Variants in GSN observed in about 807,000 individuals in gnomAD.
GSN encodes the protein actin-depolymerizing factor.
A neutral mutation model predicts 85.7 loss-of-function variants in GSN; 56 were observed. That is an observed-to-expected ratio of 0.65 (90% CI 0.53 to 0.82). The LOEUF (loss-of-function observed/expected upper bound fraction) is 0.82, where lower values mean the gene tolerates loss of function less well. Ranked by LOEUF, GSN falls within the 40% of genes least tolerant of loss-of-function variation. The pLI, the probability that GSN is intolerant of heterozygous loss-of-function variation, is 0.00. For missense variants in GSN, 857 were observed against 979.8 expected (o/e 0.87, Z 1.67); for synonymous variants, 373 against 399.1 (o/e 0.93, Z 0.78).
At chr9:121,237,163 A>T (rs969419229) in intron 5 of GSN, among the ~76,000 whole-genome samples, 8 of 152,224 alleles carry the variant, frequency 5.3e-5, no homozygotes, top group African/African-American at 1.9e-4. Context: ...TCAGAGAGGG[A>T]GAGCTGTAAG....
intron 2 of GSN, among the ~76,000 whole-genome samples, chr9:121,210,030 T>C (rs1038502587): frequency 6.6e-6 from 1 of 152,182 alleles, no homozygotes; most frequent in African/African-American, 2.4e-5. Flanking sequence ...AAGATTCATC[T>C]AGAGGTGATA....
At chr9:121,319,847 G>A (rs1470120302) in intron 10 of GSN, among the ~76,000 whole-genome samples, 1 of 152,186 alleles carries the variant, frequency 6.6e-6, no homozygotes, top group East Asian at 1.9e-4. Flanking sequence ...TGGAGAAGGG[G>A]AAGAGGGGTG....
chr9:121,256,812 C>T (rs779221772), intron 6 of GSN, among the ~76,000 whole-genome samples: 5 of 152,000 alleles, frequency 3.3e-5, no homozygotes, highest in African/African-American at 4.8e-5. Flanking sequence ...TCGCTTGAAC[C>T]CAGAAGGTAG....
chr9:121,250,496 C>T (rs1402064111), intron 6 of GSN, among the ~76,000 whole-genome samples: 1 of 151,760 alleles, frequency 6.6e-6, no homozygotes, highest in Non-Finnish European at 1.5e-5. Flanking sequence ...AGCCACGGCG[C>T]CCAGCCGATC....
At chr9:121,219,119 T>C (rs1158427778) in intron 4 of GSN, among the ~76,000 whole-genome samples, 6 of 152,178 alleles carry the variant, frequency 3.9e-5, no homozygotes, top group Non-Finnish European at 5.9e-5. Flanking sequence ...CAGATCCACC[T>C]GGTGGGGGCC....
At chr9:121,206,940 A>G (rs1384588335), upstream of GSN, among the ~76,000 whole-genome samples, 3 of 152,158 alleles carry the variant, frequency 2.0e-5, no homozygotes, top group Non-Finnish European at 4.4e-5. Flanking sequence ...TCAGTGGGGC[A>G]TAATGACCAC....
chr9:121,303,138 A>G lies in GSN; in HGVS notation c.351+73A>G, dbSNP rs147841943. 1.6e-3 allele frequency: 2,363 copies of G among 1,479,388 alleles called. 41 individuals are homozygous for G. In the African/African-American group the frequency reaches 0.028, roughly 18 times the overall value. The allele number at this position is 1,479,388 out of a possible 1,614,324, so 91.6% of individuals were successfully genotyped here. On this transcript the variant is annotated intron_variant, in intron 4 of 17. Coordinates refer to ENST00000432226, the MANE Select transcript of GSN (RefSeq NM_198252.3). ...TAACAGGGCTCACTCAGGCCCATCTATCTTTTGGCCTTGTGATGCAGTGGG... is the reference window on the plus strand; with the variant it reads ...TAACAGGGCTCACTCAGGCCCATCTGTCTTTTGGCCTTGTGATGCAGTGGG...
chr9:121,332,746 T>G lies in GSN; in HGVS notation c.*143T>G. 1 of 635,480 alleles carries G rather than the reference T, an allele frequency of 1.6e-6. No homozygotes were observed. The highest frequency in any genetic ancestry group is 2.0e-5 in the South Asian group (1 of 49,350). The allele number at this position is 635,480 out of a possible 1,614,324, so 39.4% of individuals were successfully genotyped here. Reference sequence around the variant, plus strand: ...GTTTCTTTTTTTTTTTTTTACAGTATCCAAAAATAGCCCTGCAAAAATTCA... The same window carrying G: ...GTTTCTTTTTTTTTTTTTTACAGTAGCCAAAAATAGCCCTGCAAAAATTCA... On this transcript the variant is annotated 3_prime_UTR_variant, in exon 18 of 18. Coordinates refer to ENST00000432226, the MANE Select transcript of GSN (RefSeq NM_198252.3). The surrounding 1 kb of genome is among the most constrained non-coding windows in gnomAD (Gnocchi z 4.8).
At chr9:121,331,491 C>G (rs991834169) in intron 17 of GSN, 43 bp downstream of exon 17, 3 of 1,201,368 alleles carry the variant, frequency 2.5e-6, no homozygotes, top group Admixed American at 1.9e-5. Flanking sequence ...GGGTCCGTTG[C>G]TTGTGGGGTG....
At chr9:121,275,646 G>A (rs1339515948) in intron 1 of GSN, among the ~76,000 whole-genome samples, 1 of 152,108 alleles carries the variant, frequency 6.6e-6, no homozygotes, top group Non-Finnish European at 1.5e-5. Context: ...GTTTCTCTTG[G>A]AAGGCAAGTT....
upstream of GSN, among the ~76,000 whole-genome samples, chr9:121,267,446 C>A (rs1356070754): frequency 6.6e-6 from 1 of 152,178 alleles, no homozygotes; most frequent in Non-Finnish European, 1.5e-5. Context: ...GTCTTTTTCT[C>A]ACTGAGTCTT....
At chr9:121,326,915 ACCATTCTGTACAATCAGCATG>A in intron 13 of GSN, 1 of 697,924 alleles carries the variant, frequency 1.4e-6, no homozygotes, top group Non-Finnish European at 2.7e-6. Flanking sequence ...CTCACTACCT[ACCATTCTGTACAATCAGCATG>A]CCATTCCTGA....
intron 5 of GSN, among the ~76,000 whole-genome samples, chr9:121,245,403 CA>C (rs1250738225): frequency 6.6e-6 from 1 of 152,290 alleles, no homozygotes; most frequent in South Asian, 2.1e-4. Context: ...GTCACCCATG[CA>C]GGAGTGCAGT....
At chr9:121,311,090 C>T (rs894938105) in intron 5 of GSN, 40 of 552,798 alleles carry the variant, frequency 7.2e-5, no homozygotes, top group Admixed American at 1.2e-4. Context: ...TTCATATGTA[C>T]GTCTTGTGTC....
chr9:121,313,784 G>A, intron 6 of GSN, 150 bp from the exon 7 acceptor site: 1 of 699,174 alleles, frequency 1.4e-6, no homozygotes, highest in Admixed American at 2.0e-5. Flanking sequence ...GGACATGTGA[G>A]CAGATGCAGG....
chr9:121,304,420 C>G (rs2133268110), intron 4 of GSN, among the ~76,000 whole-genome samples: 1 of 152,342 alleles, frequency 6.6e-6, no homozygotes, highest in East Asian at 1.9e-4. Context: ...GAGCCAGTCC[C>G]CTGAGCTGGA....
In GSN at chr9:121,252,073, T is replaced by TA. The variant is rs969794001; in HGVS notation, c.-341+3760dup. On this transcript the variant is annotated intron_variant, in intron 6 of 24. Coordinates refer to the GSN transcript ENST00000373823. ...AGTGCCCACTATGTACCAGGCACTG[T>TA]AAAAAAAAAATGCCAGGAAGTCAGT... 5.5e-4 allele frequency among the ~76,000 whole-genome samples: 82 copies of TA among 149,380 alleles called. 1 individual carries two copies. Among genetic ancestry groups the TA allele is most frequent in the African/African-American group, 8.3e-4 (34 of 40,780 alleles).
chr9:121,300,216 C>A, intron 2 of GSN: 1 of 858,836 alleles, frequency 1.2e-6, no homozygotes, highest in Non-Finnish European at 2.0e-6. Context: ...GGAAGCTAAC[C>A]TCACCTTGGC....
At chr9:121,328,774 G>A in intron 14 of GSN, 117 bp from the exon 15 acceptor site, 1 of 1,064,656 alleles carries the variant, frequency 9.4e-7, no homozygotes, top group East Asian at 2.4e-5. Context: ...TTTTAGGATG[G>A]AGGGAGGAGA....
Sources: gnomAD v4.1 joint callset for allele counts (sites outside exome capture counted in the v4.1 genomes callset) on GRCh38, gnomAD v4.1.1 for gene constraint, Gnocchi (gnomAD v3.1) non-coding constraint, MANE v1.5 for transcripts, NCBI Gene and HGNC (gene_info 2026-07-23, HGNC 2026-07-21) for gene names.